NCOA2: variants seen among roughly 807,000 people sequenced by gnomAD.
NCOA2 encodes the protein nuclear receptor coactivator 2.
Under a neutral mutation model 145.1 loss-of-function variants are expected in NCOA2, and 21 were observed. The observed-to-expected ratio is 0.14, with a 90% confidence interval of 0.10 to 0.21. NCOA2 has a LOEUF of 0.21. Among genes scored for constraint, NCOA2 ranks in the 10% least tolerant of loss-of-function variants. The probability of loss-of-function intolerance (pLI) is 1.00; values close to 1 mark genes in which losing one functional copy is unlikely to be tolerated. For missense variants in NCOA2, 1,472 were observed against 1,837.6 expected (o/e 0.80, Z 3.64); for synonymous variants, 619 against 637.5 (o/e 0.97, Z 0.44).
chr8:70,123,842 C>T (rs377324161), intron 21 of NCOA2, 42 bp downstream of exon 21: 39 of 1,503,082 alleles, frequency 2.6e-5, no homozygotes, highest in African/African-American at 1.7e-4. Flanking sequence ...GAAAAAAAGC[C>T]GTGATATGAA....
intron 2 of NCOA2, among the ~76,000 whole-genome samples, chr8:70,277,624 CT>C (rs1825561442): frequency 1.3e-5 from 2 of 152,136 alleles, no homozygotes; most frequent in African/African-American, 4.8e-5. Flanking sequence ...AAAATTACTT[CT>C]AAACTAAATG....
chr8:70,181,112 G>C (rs1815426926), intron 4 of NCOA2, among the ~76,000 whole-genome samples: 1 of 152,160 alleles, frequency 6.6e-6, no homozygotes, highest in Non-Finnish European at 1.5e-5. Context: ...ACTGAACTGA[G>C]ATTACAAATT....
chr8:70,365,522 C>T (rs552029302), intron 1 of NCOA2, among the ~76,000 whole-genome samples: 1 of 152,314 alleles, frequency 6.6e-6, no homozygotes, highest in South Asian at 2.1e-4. Flanking sequence ...CCAAATTATA[C>T]AGCATCCTAC....
chr8:70,412,674 A>T, the NCOA2 span, among the ~76,000 whole-genome samples: 2 of 148,102 alleles, frequency 1.4e-5, no homozygotes, highest in Non-Finnish European at 3.0e-5. Flanking sequence ...AAAAAAAACT[A>T]GAATCTAATA....
At chr8:70,423,911 C>T in the NCOA2 span, among the ~76,000 whole-genome samples, 3 of 152,160 alleles carry the variant, frequency 2.0e-5, no homozygotes, top group East Asian at 3.8e-4. Flanking sequence ...CCCTCAGCTC[C>T]GATCTCGATC....
In NCOA2 at chr8:70,296,795, A is replaced by C. The variant is rs1827120451; in HGVS notation, c.-71T>G. 6.6e-6 allele frequency: 1 copy of C among 152,238 alleles called. No individual in the cohort carries two copies. The highest frequency in any genetic ancestry group is 1.5e-5 in the Non-Finnish European group (1 of 68,030). The allele number at this position is 152,238 out of a possible 1,614,324, so 9.4% of individuals were successfully genotyped here. A position where few individuals can be genotyped will look rare whatever the true frequency, so the allele number is the denominator to read the frequency against. ...CTATAAGTGTGTAGCCAAATCCAAGAGAAATCTGTAATATAAACAAACAAA... is the reference window on the plus strand; with the variant it reads ...CTATAAGTGTGTAGCCAAATCCAAGCGAAATCTGTAATATAAACAAACAAA... On this transcript the variant is annotated 5_prime_UTR_variant, in exon 2 of 23. Coordinates refer to ENST00000452400, the MANE Select transcript of NCOA2 (RefSeq NM_006540.4).
chr8:70,126,862 A>G lies in NCOA2; in HGVS notation c.3867T>C (p.Pro1289=). The change falls in exon 19 of 23, where the codon CCT becomes CCC. Residue 1289 remains proline (P), a synonymous_variant. Transcript: ENST00000452400. ...GCTGTGCATTTGCCTGGGGAATCCG[A>G]GGGTTGCTCATAGTTGCTGGCATAC... ...PSGMPATMSN[P]RIPQANAQQF... The G allele has an allele frequency of 6.2e-7, 1 of 1,613,990 alleles. No individual in the cohort carries two copies. Among genetic ancestry groups the G allele is most frequent in the South Asian group, 1.1e-5 (1 of 91,074 alleles).
intron 2 of NCOA2, among the ~76,000 whole-genome samples, chr8:70,295,972 A>G (rs1415674769): frequency 6.6e-6 from 1 of 152,208 alleles, no homozygotes; most frequent in Non-Finnish European, 1.5e-5. Context: ...TAAGCTTAAT[A>G]AACTATTTCT....
chr8:70,257,505 T>C (rs1432182156), intron 2 of NCOA2, among the ~76,000 whole-genome samples: 3 of 152,154 alleles, frequency 2.0e-5, no homozygotes, highest in Non-Finnish European at 4.4e-5. Context: ...AAGATGATGA[T>C]AAGCACTAAG....
At position 70,159,241 on chromosome 8, in the gene NCOA2, TA is replaced by T. The variant is rs56870010; in HGVS notation, c.1124+263del. On this transcript the variant is annotated intron_variant, in intron 10 of 22. Coordinates refer to ENST00000452400, the MANE Select transcript of NCOA2 (RefSeq NM_006540.4). ...ATAACATTATATATATATATATATA[TA>T]TTTTTTTTTTTTTCCCCCAAATATT... is the stretch of plus-strand genomic sequence containing the variant. 3.6e-3 allele frequency among the ~76,000 whole-genome samples: 363 copies of T among 100,140 alleles called. 10 individuals are homozygous for T. Among genetic ancestry groups the T allele is most frequent in the African/African-American group, 0.016 (344 of 21,978 alleles). The allele number at this position is 100,140 out of a possible 152,430, so 65.7% of individuals were successfully genotyped here.
At position 70,113,696 on chromosome 8, in the gene NCOA2, AC is replaced by A. The variant is rs1297242633; in HGVS notation, c.4384-54del. ...AAACATCTTTGAGGTTTTGAAAAAA[AC>A]ATCATAAAGCCCACCACAAAAACAT... is the stretch of plus-strand genomic sequence containing the variant. On this transcript the variant is annotated intron_variant, in intron 22 of 22. Transcript: ENST00000452400. 4.6e-6 allele frequency: 7 copies of A among 1,514,994 alleles called. No individual in the cohort carries two copies. In the African/African-American group the frequency reaches 9.7e-5, roughly 21 times the overall value. 93.8% of individuals were successfully genotyped at this position (1,514,994 alleles called of 1,614,324 possible). A position where few individuals can be genotyped will look rare whatever the true frequency, so the allele number is the denominator to read the frequency against.
intron 13 of NCOA2, 74 bp from the exon 14 acceptor site, chr8:70,141,473 T>A (rs1209422139): frequency 7.7e-7 from 1 of 1,306,028 alleles, no homozygotes; most frequent in Non-Finnish European, 1.1e-6. Context: ...CACCAGATGA[T>A]CTTACCCTAC....
At chr8:70,266,144 C>G (rs1352002306) in intron 2 of NCOA2, among the ~76,000 whole-genome samples, 5 of 151,860 alleles carry the variant, frequency 3.3e-5, no homozygotes, top group African/African-American at 1.2e-4. Flanking sequence ...AGTGAGACTC[C>G]GTCTCAAAAA....
the NCOA2 span, among the ~76,000 whole-genome samples, chr8:70,435,140 A>G: frequency 6.6e-6 from 1 of 151,800 alleles, no homozygotes; most frequent in Non-Finnish European, 1.5e-5. Flanking sequence ...AAGAATACAC[A>G]CTCGGCCGGG....
Position 70,163,531 on chromosome 8 carries a change from C to T in NCOA2, c.766G>A (p.Val256Ile), listed in dbSNP as rs774248048. Residue 256 changes from valine (V) to isoleucine (I), a missense_variant, in exon 8 of 23, where the codon GTT becomes ATT. By Grantham distance (29) the Val-to-Ile change is conservative (BLOSUM62 3). This residue lies in a region of NCOA2 where 284 missense variants were observed against 467.8 expected (regional missense o/e 0.61). Coordinates refer to ENST00000452400, the MANE Select transcript of NCOA2 (RefSeq NM_006540.4). ...QSCLICVARR[V>I]PMKERPVLPS... ...AGAACTGGTCTTTCCTTCATGGGAA[C>T]TCTTCTTGCCACGCAAATCAAGCAG... 6.8e-6 allele frequency: 11 copies of T among 1,613,906 alleles called. No homozygotes were observed. The South Asian group carries it at 8.8e-5, about 13-fold the overall frequency.
intron 2 of NCOA2, among the ~76,000 whole-genome samples, chr8:70,228,175 T>TC (rs1820832422): frequency 6.6e-6 from 1 of 152,184 alleles, no homozygotes; most frequent in Non-Finnish European, 1.5e-5. Context: ...AACAATTTTT[T>TC]CTCCCTCAAA....
chr8:70,345,319 T>G (rs910996205), intron 1 of NCOA2, among the ~76,000 whole-genome samples: 6 of 152,220 alleles, frequency 3.9e-5, no homozygotes, highest in Admixed American at 3.3e-4. Context: ...AATGTATTTT[T>G]TCAGCCAGAT....
At chr8:70,236,017 A>G (rs1270044861) in intron 2 of NCOA2, among the ~76,000 whole-genome samples, 3 of 152,120 alleles carry the variant, frequency 2.0e-5, no homozygotes, top group Non-Finnish European at 4.4e-5. Context: ...CCGCCTGCTA[A>G]GTGACTACTC....
chr8:70,223,667 T>C (rs1820358202), intron 2 of NCOA2, among the ~76,000 whole-genome samples: 1 of 152,220 alleles, frequency 6.6e-6, no homozygotes, highest in Non-Finnish European at 1.5e-5. Flanking sequence ...CTACGTACTT[T>C]ACCTGTATAC....
Sources: allele counts gnomAD v4.1 joint callset (sites outside exome capture counted in the v4.1 genomes callset), GRCh38; gene constraint gnomAD v4.1.1; regional missense constraint gnomAD v4.1.1; transcripts MANE v1.5; gene names NCBI Gene and HGNC (gene_info 2026-07-23, HGNC 2026-07-21).